CENPP: variants seen among roughly 807,000 people sequenced by gnomAD.
The protein encoded by CENPP is centromere protein P.
CENPP carries 24 observed loss-of-function variants against 35.6 expected under a neutral mutation model. The ratio of observed to expected loss-of-function variants is 0.67; its 90% CI spans 0.49 to 0.95. The LOEUF is 0.95. Ranked by LOEUF, CENPP falls within the 40% of genes least tolerant of loss-of-function variation. The pLI is 0.00. For synonymous variants in CENPP, 120 were observed against 125.5 expected (o/e 0.96, Z 0.29); for missense variants, 332 against 345.3 (o/e 0.96, Z 0.31).
At chr9:92,391,216 G>A (rs1439638348) in intron 5 of CENPP, among the ~76,000 whole-genome samples, 1 of 149,214 alleles carries the variant, frequency 6.7e-6, no homozygotes, top group South Asian at 2.1e-4. Context: ...CTAACACGGT[G>A]AAACCCCATC....
chr9:92,615,552 AAAG>A lies in CENPP; in HGVS notation c.*2409_*2411del, dbSNP rs973007589. On this transcript the variant is annotated 3_prime_UTR_variant, in exon 8 of 8. Transcript: ENST00000375587. ...GAATCAGACATGAGCCCTGGTTGGG[AAAG>A]AAGAACTATCCAGAACGTCTTCCCA... 9 of 377,272 alleles carry A rather than the reference AAAG, an allele frequency of 2.4e-5. No homozygotes were observed. The highest frequency in any genetic ancestry group is 8.3e-5 in the African/African-American group (4 of 48,040). 23.4% of individuals were successfully genotyped at this position (377,272 alleles called of 1,614,324 possible).
chr9:92,494,339 T>G (rs931231438), intron 5 of CENPP, among the ~76,000 whole-genome samples: 14 of 152,250 alleles, frequency 9.2e-5, no homozygotes, highest in African/African-American at 3.4e-4. Flanking sequence ...CAATAAGTGT[T>G]GCACAAGGGT....
intron 5 of CENPP, among the ~76,000 whole-genome samples, chr9:92,546,645 G>A (rs943496332): frequency 6.6e-6 from 1 of 152,210 alleles, no homozygotes; most frequent in South Asian, 2.1e-4. Flanking sequence ...CTCTGGACAC[G>A]CTGCCTTTAA....
In CENPP at chr9:92,354,699, T is replaced by G. The variant is rs562375184; in HGVS notation, c.467+8912T>G. Among the ~76,000 whole-genome samples, 3 of 152,342 alleles carry G rather than the reference T, an allele frequency of 2.0e-5. No individual in the cohort carries two copies. The South Asian group carries it at 6.2e-4, about 32-fold the overall frequency. ...TATGCCACTTTAACTTAAAAAAAGT[T>G]TAAAAGACCTGTGTTTCTTTAGAGC... On this transcript the variant is annotated intron_variant, in intron 4 of 7. Coordinates refer to ENST00000375587, the MANE Select transcript of CENPP (RefSeq NM_001012267.3).
At chr9:92,478,944 C>T (rs1172975222) in intron 5 of CENPP, among the ~76,000 whole-genome samples, 4 of 152,096 alleles carry the variant, frequency 2.6e-5, no homozygotes, top group East Asian at 1.9e-4. Context: ...AAGAACACAT[C>T]GTGGTGTTCC....
chr9:92,337,178 C>T (rs1482464242), intron 2 of CENPP, among the ~76,000 whole-genome samples: 1 of 152,058 alleles, frequency 6.6e-6, no homozygotes, highest in Non-Finnish European at 1.5e-5. Flanking sequence ...ATTAGCCAGG[C>T]ATGGTGGTGC....
intron 5 of CENPP, among the ~76,000 whole-genome samples, chr9:92,555,681 G>A (rs1849709854): frequency 6.6e-6 from 1 of 152,054 alleles, no homozygotes; most frequent in African/African-American, 2.4e-5. Flanking sequence ...GTGTGTATAG[G>A]TGTTCATAGT....
chr9:92,518,967 A>G (rs1308798827), intron 5 of CENPP, among the ~76,000 whole-genome samples: 1 of 152,164 alleles, frequency 6.6e-6, no homozygotes, highest in Non-Finnish European at 1.5e-5. Flanking sequence ...AGATATGTGG[A>G]TAAGTGTATC....
intron 5 of CENPP, among the ~76,000 whole-genome samples, chr9:92,523,749 G>A (rs1050619132): frequency 1.3e-5 from 2 of 152,160 alleles, no homozygotes; most frequent in African/African-American, 4.8e-5. Flanking sequence ...GAGCCTGTAC[G>A]TCTGTCCACA....
At chr9:92,491,555 C>G (rs1846172341) in intron 5 of CENPP, among the ~76,000 whole-genome samples, 1 of 152,066 alleles carries the variant, frequency 6.6e-6, no homozygotes. Flanking sequence ...CATACCTTCC[C>G]GTCTTTACTG....
chr9:92,516,332 G>A (rs1282364006), intron 5 of CENPP, among the ~76,000 whole-genome samples: 7 of 152,098 alleles, frequency 4.6e-5, no homozygotes, highest in Admixed American at 3.9e-4. Context: ...CAAAGTGCTG[G>A]GATTACAGGT....
intron 5 of CENPP, among the ~76,000 whole-genome samples, chr9:92,540,984 G>T (rs13301093): frequency 6.6e-6 from 1 of 152,060 alleles, no homozygotes; most frequent in Non-Finnish European, 1.5e-5. Flanking sequence ...TGTATTGGCT[G>T]GGGGCAGTGG....
chr9:92,505,372 T>C (rs1376320884), intron 5 of CENPP, among the ~76,000 whole-genome samples: 1 of 152,208 alleles, frequency 6.6e-6, no homozygotes, highest in African/African-American at 2.4e-5. Context: ...CAGAATTTTG[T>C]ATTGCTTGAA....
intron 4 of CENPP, among the ~76,000 whole-genome samples, chr9:92,368,902 C>G (rs1406162303): frequency 6.6e-6 from 1 of 151,952 alleles, no homozygotes; most frequent in Non-Finnish European, 1.5e-5. Flanking sequence ...AAACATTTTC[C>G]AGGTCTGCCT....
Position 92,616,104 on chromosome 9 carries a change from T to C in CENPP, c.*2955T>C, listed in dbSNP as rs781543232. ...TCAGGATACACAAGCCCCCCATTCA[T>C]TTCCCTCCCTCCCGTTCTCTCTCCC... On this transcript the variant is annotated 3_prime_UTR_variant, in exon 8 of 8. Coordinates refer to ENST00000375587, the MANE Select transcript of CENPP (RefSeq NM_001012267.3). 1 of 1,320,460 alleles carries C rather than the reference T, an allele frequency of 7.6e-7. No homozygotes were observed. The highest frequency in any genetic ancestry group is 1.2e-5 in the South Asian group (1 of 80,218). 81.8% of individuals were successfully genotyped at this position (1,320,460 alleles called of 1,614,324 possible). A position where few individuals can be genotyped will look rare whatever the true frequency, so the allele number is the denominator to read the frequency against.
intron 5 of CENPP, chr9:92,512,228 G>T (rs993514151): frequency 4.6e-6 from 3 of 646,278 alleles, no homozygotes; most frequent in Non-Finnish European, 7.9e-6. Flanking sequence ...AGCTTTGTCT[G>T]GAGGAGAAAG....
intron 5 of CENPP, among the ~76,000 whole-genome samples, chr9:92,500,060 C>G (rs10761161): frequency 0.45 from 68,188 of 152,070 alleles, 17,563 homozygotes; most frequent in African/African-American, 0.7. Context: ...CATATATTTA[C>G]GTTTTATGCT....
intron 5 of CENPP, among the ~76,000 whole-genome samples, chr9:92,423,883 A>G (rs971894308): frequency 9.2e-5 from 14 of 152,164 alleles, no homozygotes; most frequent in Non-Finnish European, 1.3e-4. Context: ...TTCATAGAAA[A>G]AAAGAGACCT....
At chr9:92,464,779 T>A (rs1455350866) in intron 5 of CENPP, 1 of 739,708 alleles carries the variant, frequency 1.4e-6, no homozygotes, top group Admixed American at 2.0e-5. Context: ...TTTATGTGTG[T>A]GTAGACTATA....
Sources: allele counts gnomAD v4.1 joint callset (sites outside exome capture counted in the v4.1 genomes callset), GRCh38; gene constraint gnomAD v4.1.1; transcripts MANE v1.5; gene names NCBI Gene and HGNC (gene_info 2026-07-23, HGNC 2026-07-21).